FER: variants seen among roughly 807,000 people sequenced by gnomAD.
The protein encoded by FER is FER tyrosine kinase.
A neutral mutation model predicts 111.0 loss-of-function variants in FER; 63 were observed. The observed-to-expected ratio is 0.57, with a 90% CI of 0.46 to 0.70. The LOEUF (loss-of-function observed/expected upper bound fraction) is 0.70. Ranked by LOEUF, FER falls within the 30% of genes least tolerant of loss-of-function variation. The pLI, the probability that FER is intolerant of heterozygous loss-of-function variation, is 0.00. For synonymous variants in FER, 327 were observed against 313.9 expected (o/e 1.04, Z -0.44); for missense variants, 914 against 954.0 (o/e 0.96, Z 0.55).
intron 17 of FER, among the ~76,000 whole-genome samples, chr5:109,120,464 A>G (rs368116938): frequency 6.6e-6 from 1 of 151,906 alleles, no homozygotes; most frequent in East Asian, 1.9e-4. Flanking sequence ...CTTTGTGTCT[A>G]TTTTTATTGC....
chr5:108,968,960 A>G (rs1760264253), intron 13 of FER, among the ~76,000 whole-genome samples: 2 of 152,122 alleles, frequency 1.3e-5, no homozygotes, highest in South Asian at 4.1e-4. Context: ...AGTAAAATAA[A>G]GGAAAAATAA....
chr5:109,142,672 G>A (rs1043302822), intron 17 of FER, among the ~76,000 whole-genome samples: 4 of 152,140 alleles, frequency 2.6e-5, no homozygotes, highest in Admixed American at 1.3e-4. Flanking sequence ...ACTCTGGAGG[G>A]AGATTTGGCC....
chr5:109,104,960 G>T (rs1435975906), intron 17 of FER, among the ~76,000 whole-genome samples: 4 of 151,820 alleles, frequency 2.6e-5, no homozygotes, highest in Non-Finnish European at 5.9e-5. Context: ...AGCCAGGATG[G>T]TCTCAATCTC....
chr5:109,085,785 T>C (rs1777499898), intron 16 of FER, among the ~76,000 whole-genome samples: 1 of 151,804 alleles, frequency 6.6e-6, no homozygotes, highest in Non-Finnish European at 1.5e-5. Flanking sequence ...ATTTGTTTAA[T>C]GCTTTCCTGT....
chr5:108,955,473 A>G (rs1581382847), intron 12 of FER, among the ~76,000 whole-genome samples: 1 of 151,862 alleles, frequency 6.6e-6, no homozygotes, highest in South Asian at 2.1e-4. Flanking sequence ...TTAAAAATCT[A>G]TTTACATTGA....
chr5:108,909,280 A>G (rs930889258), intron 10 of FER, among the ~76,000 whole-genome samples: 14 of 152,108 alleles, frequency 9.2e-5, no homozygotes, highest in African/African-American at 3.4e-4. Flanking sequence ...TTTTTATTAT[A>G]GTATTGTGCA....
At position 109,036,583 on chromosome 5, in the gene FER, A is replaced by G. The variant is rs530670391; in HGVS notation, c.1657-839A>G. Among the ~76,000 whole-genome samples, 6 of 152,108 alleles carry G rather than the reference A, an allele frequency of 3.9e-5. No homozygotes were observed. In the South Asian group the frequency reaches 1.2e-3, roughly 32 times the overall value. On this transcript the variant is annotated intron_variant, in intron 13 of 19. Transcript: ENST00000281092. ...GAAACCTAACTCATAAATAAAATAT[A>G]TCAACCAGGATACTCTTCCTCCAAC...
At chr5:108,771,464 T>TC (rs1351009967) in intron 2 of FER, among the ~76,000 whole-genome samples, 1 of 152,142 alleles carries the variant, frequency 6.6e-6, no homozygotes, top group East Asian at 1.9e-4. Flanking sequence ...TCCACTTCCT[T>TC]CTCCTTTAGC....
intron 2 of FER, among the ~76,000 whole-genome samples, chr5:108,768,589 T>G (rs1436131376): frequency 6.6e-6 from 1 of 152,238 alleles, no homozygotes; most frequent in Non-Finnish European, 1.5e-5. Flanking sequence ...CACTTTGTTC[T>G]GATTTCTGTA....
At chr5:109,038,305 A>G (rs1236811608) in intron 14 of FER, among the ~76,000 whole-genome samples, 2 of 151,908 alleles carry the variant, frequency 1.3e-5, no homozygotes, top group Admixed American at 6.6e-5. Flanking sequence ...AAATAGTTTA[A>G]AATCTATATA....
At chr5:109,135,887 T>A (rs879855597) in intron 17 of FER, among the ~76,000 whole-genome samples, 4 of 152,106 alleles carry the variant, frequency 2.6e-5, no homozygotes, top group Non-Finnish European at 5.9e-5. Context: ...CAACTCTTTG[T>A]AAAGCTTTTC....
intron 17 of FER, among the ~76,000 whole-genome samples, chr5:109,112,063 A>G (rs1380367784): frequency 6.6e-6 from 1 of 152,054 alleles, no homozygotes; most frequent in Admixed American, 6.6e-5. Flanking sequence ...ACACAGTTTT[A>G]TTTGCTTTTT....
intron 16 of FER, among the ~76,000 whole-genome samples, chr5:109,059,396 C>T (rs1219356180): frequency 2.7e-5 from 4 of 150,926 alleles, no homozygotes; most frequent in African/African-American, 4.9e-5. Context: ...GGTGTGGTGG[C>T]GCACGCCTGT....
intron 1 of FER, among the ~76,000 whole-genome samples, chr5:108,758,640 A>G (rs1028649290): frequency 4.6e-5 from 7 of 152,168 alleles, no homozygotes; most frequent in African/African-American, 1.4e-4. Flanking sequence ...AAGGATTCCA[A>G]TCATTTCCCC....
At chr5:109,076,222 C>A (rs1034386151) in intron 16 of FER, among the ~76,000 whole-genome samples, 18 of 152,234 alleles carry the variant, frequency 1.2e-4, no homozygotes, top group South Asian at 8.3e-4. Flanking sequence ...TCAAAGTTAT[C>A]TTCTATCATG....
intron 17 of FER, among the ~76,000 whole-genome samples, chr5:109,123,834 T>A (rs1751324575): frequency 6.6e-6 from 1 of 152,224 alleles, no homozygotes; most frequent in Non-Finnish European, 1.5e-5. Context: ...GAGAACATTT[T>A]AACCTGTTAT....
At chr5:109,110,200 C>T (rs1056196858) in intron 17 of FER, among the ~76,000 whole-genome samples, 4 of 151,988 alleles carry the variant, frequency 2.6e-5, no homozygotes, top group Admixed American at 2.6e-4. Context: ...CCTTAGGGAA[C>T]TTTAGTAATT....
At chr5:109,051,873 C>T (rs1010989627) in intron 16 of FER, 40 of 1,559,622 alleles carry the variant, frequency 2.6e-5, no homozygotes, top group Non-Finnish European at 3.4e-5. Flanking sequence ...GGAAGCAGTC[C>T]ACCTGATGTG....
chr5:108,773,784 A>G (rs898209141), intron 2 of FER, among the ~76,000 whole-genome samples: 5 of 152,148 alleles, frequency 3.3e-5, no homozygotes, highest in Admixed American at 6.5e-5. Flanking sequence ...GTCTTCCACA[A>G]TGGTTGAACT....
Sources: gnomAD v4.1 joint callset for allele counts (sites outside exome capture counted in the v4.1 genomes callset) on GRCh38, gnomAD v4.1.1 for gene constraint, MANE v1.5 for transcripts, NCBI Gene and HGNC (gene_info 2026-07-23, HGNC 2026-07-21) for gene names.